The following ANK3 variants were observed in gnomAD, a reference collection of about 807,000 sequenced individuals.
ANK3 encodes the protein ankyrin-3.
In ANK3, 57 loss-of-function variants were observed where a neutral mutation model predicts 370.9. The observed-to-expected ratio is 0.15, with a 90% CI of 0.12 to 0.19. ANK3 has a LOEUF of 0.19. ANK3 is among the 10% of genes least tolerant of loss of function. The pLI, the probability that ANK3 is intolerant of heterozygous loss-of-function variation, is 1.00. For synonymous variants in ANK3, 1,929 were observed against 1,946.3 expected (o/e 0.99, Z 0.23); for missense variants, 4,439 against 5,302.1 (o/e 0.84, Z 5.06).
rs112909798 is a variant in ANK3, at chr10:60,237,366, G to A, written c.799-2580C>T. 4.9e-3 allele frequency among the ~76,000 whole-genome samples: 747 copies of A among 152,280 alleles called. 2 individuals are homozygous for A. The highest frequency in any genetic ancestry group is 0.013 in the Admixed American group (192 of 15,300). ...GAGCTCACTGAGCCCCAAGTGGGAC[G>A]TGACACGAAGACCTCATCACTTCCC... is the stretch of plus-strand genomic sequence containing the variant. On this transcript the variant is annotated intron_variant, in intron 7 of 43. Transcript: ENST00000280772.
chr10:60,403,649 G>A (rs1007502869), intron 2 of ANK3, among the ~76,000 whole-genome samples: 7 of 152,090 alleles, frequency 4.6e-5, no homozygotes, highest in Non-Finnish European at 7.3e-5. Flanking sequence ...GTGCAGCGGC[G>A]CGATCTCGGC....
At chr10:60,641,571 T>C (rs1253095355) in intron 1 of ANK3, among the ~76,000 whole-genome samples, 1 of 151,592 alleles carries the variant, frequency 6.6e-6, no homozygotes, top group East Asian at 1.9e-4. Context: ...GAAAACTGGC[T>C]AGCCATATGG....
chr10:60,380,126 T>C (rs753261858), intron 1 of ANK3, among the ~76,000 whole-genome samples: 15 of 152,196 alleles, frequency 9.9e-5, no homozygotes, highest in Non-Finnish European at 1.6e-4. Context: ...ACTGTTAAGG[T>C]AGAATACATT....
chr10:60,549,684 G>T (rs1230336178), intron 2 of ANK3, among the ~76,000 whole-genome samples: 1 of 152,050 alleles, frequency 6.6e-6, no homozygotes, highest in Non-Finnish European at 1.5e-5. Flanking sequence ...ACTTCAGGAG[G>T]AATGGAAATT....
chr10:60,236,670 T>C (rs2097339110), intron 7 of ANK3, among the ~76,000 whole-genome samples: 1 of 152,190 alleles, frequency 6.6e-6, no homozygotes, highest in Admixed American at 6.5e-5. Context: ...GATGGAAAGG[T>C]TGCACATTCT....
At position 60,085,169 on chromosome 10, in the gene ANK3, T is replaced by C. The variant is rs1233638360; in HGVS notation, c.3833A>G (p.Asn1278Ser). ...FIKDCVSFTT[N>S]VSARFWLADC... ...TTTATTTCCATACCTGGCTGAAACATTGGTTGTAAAGGAGACACAATCTTT... is the reference window on the plus strand; with the variant it reads ...TTTATTTCCATACCTGGCTGAAACACTGGTTGTAAAGGAGACACAATCTTT... The change falls in exon 31 of 44, where the codon AAT becomes AGT. Residue 1278 changes from asparagine to serine, a missense_variant. Asn to Ser is a conservative substitution (Grantham distance 46). Around this residue, in one of 13 missense-constraint regions of ANK3, gnomAD observed 702 missense variants for 941.5 expected, o/e 0.75. Transcript: ENST00000280772. The C allele has an allele frequency of 1.9e-6, 3 of 1,610,940 alleles. No individual in the cohort carries two copies. The highest frequency in any genetic ancestry group is 1.7e-5 in the Admixed American group (1 of 59,420).
chr10:60,450,830 A>C (rs1954117), intron 2 of ANK3, among the ~76,000 whole-genome samples: 113,158 of 152,064 alleles, frequency 0.74, 42,239 homozygotes, highest in South Asian at 0.92. Flanking sequence ...ACTTAACGTG[A>C]ATTTTCTCAC....
intron 1 of ANK3, among the ~76,000 whole-genome samples, chr10:60,695,531 C>A (rs2079434034): frequency 6.6e-6 from 1 of 152,144 alleles, no homozygotes; most frequent in Non-Finnish European, 1.5e-5. Context: ...TGTAAAAGAA[C>A]AGAAATTATA....
intron 25 of ANK3, among the ~76,000 whole-genome samples, chr10:60,130,932 G>A (rs1258072115): frequency 1.3e-5 from 2 of 152,094 alleles, no homozygotes; most frequent in Non-Finnish European, 2.9e-5. Context: ...TGAAAAAGTT[G>A]AAAAACTGTA....
intron 32 of ANK3, chr10:60,083,923 CTTTT>C (rs60709810): frequency 1.6e-4 from 24 of 149,792 alleles, no homozygotes; most frequent in South Asian, 3.9e-4. Context: ...ATTTTGAAAG[CTTTT>C]TTTTTTTTTT....
chr10:60,295,215 A>G (rs564217298), intron 1 of ANK3, among the ~76,000 whole-genome samples: 30 of 152,210 alleles, frequency 2.0e-4, no homozygotes, highest in South Asian at 6.2e-4. Context: ...TTCAGAGTTC[A>G]GACTCTGGAC....
intron 1 of ANK3, among the ~76,000 whole-genome samples, chr10:60,646,474 A>G (rs2133357023): frequency 6.6e-6 from 1 of 152,174 alleles, no homozygotes; most frequent in South Asian, 2.1e-4. Context: ...TACTTAGGAG[A>G]TGGAGGCAGG....
At chr10:60,300,904 G>GACATGTATACCT (rs1185136854) in intron 1 of ANK3, among the ~76,000 whole-genome samples, 2 of 151,868 alleles carry the variant, frequency 1.3e-5, no homozygotes, top group Non-Finnish European at 2.9e-5. Context: ...TGTCTGCGTA[G>GACATGTATACCT]ACATGTATAC....
chr10:60,140,649 C>G (rs1025518935), intron 23 of ANK3: 70 of 1,365,448 alleles, frequency 5.1e-5, no homozygotes, highest in Non-Finnish European at 6.3e-5. Flanking sequence ...ATCCTTTTGA[C>G]CACTTCGCAG....
Position 60,071,097 on chromosome 10 carries a change from C to T in ANK3, c.9784G>A (p.Ala3262Thr), listed in dbSNP as rs2082601864. 1 of 1,613,992 alleles carries T rather than the reference C, an allele frequency of 6.2e-7. No homozygotes were observed. The highest frequency in any genetic ancestry group is 2.2e-5 in the East Asian group (1 of 44,886). Residue 3262 changes from alanine (A) to threonine (T), a missense_variant, in exon 37 of 44, where the codon GCG becomes ACG. Physicochemically the swap from Ala to Thr is moderately conservative, Grantham distance 58 (BLOSUM62 0). This residue lies in a region of ANK3 where 1,601 missense variants were observed against 1,731.7 expected (regional missense o/e 0.92). Coordinates refer to ENST00000280772, the MANE Select transcript of ANK3 (RefSeq NM_020987.5). ...IEFPPPPPLDADQIESDKKHH... is the reference protein window; with the variant it reads ...IEFPPPPPLDTDQIESDKKHH... ...TTCTTATCTGACTCAATCTGGTCCG[C>T]ATCCAGTGGTGGAGGAGGGGGAAAT... is the stretch of plus-strand genomic sequence containing the variant.
chr10:60,677,784 C>CA (rs752482255), intron 1 of ANK3, among the ~76,000 whole-genome samples: 1,210 of 99,130 alleles, frequency 0.012, 10 homozygotes, highest in African/African-American at 0.018. Context: ...CTCAACTACC[C>CA]AAAAAAAAAA....
At chr10:60,043,802 T>A in intron 42 of ANK3, 1 of 985,396 alleles carries the variant, frequency 1.0e-6, no homozygotes, top group Admixed American at 6.1e-5. Flanking sequence ...GAAGGTTTTA[T>A]CTTCTTTCTC....
chr10:60,177,593 C>CCTTTTTT (rs1555072753), intron 18 of ANK3, among the ~76,000 whole-genome samples: 1 of 106,252 alleles, frequency 9.4e-6, no homozygotes, highest in Non-Finnish European at 1.8e-5. Flanking sequence ...GTCTTCAAAT[C>CCTTTTTT]TTTTTTTTTT....
At chr10:60,330,531 C>G (rs1466393991) in intron 1 of ANK3, among the ~76,000 whole-genome samples, 1 of 152,188 alleles carries the variant, frequency 6.6e-6, no homozygotes, top group Non-Finnish European at 1.5e-5. Flanking sequence ...AGCTCATCAT[C>G]ACTGGTCGTT....
Sources: gnomAD v4.1 joint callset for allele counts (sites outside exome capture counted in the v4.1 genomes callset) on GRCh38, gnomAD v4.1.1 for gene constraint, gnomAD v4.1.1 regional missense constraint, MANE v1.5 for transcripts, NCBI Gene and HGNC (gene_info 2026-07-23, HGNC 2026-07-21) for gene names.